CAMK2G: variants seen among roughly 807,000 people sequenced by gnomAD.
CAMK2G encodes calcium/calmodulin dependent protein kinase II gamma.
A neutral mutation model predicts 88.7 loss-of-function variants in CAMK2G; 23 were observed. The observed-to-expected ratio is 0.26, with a 90% CI of 0.19 to 0.37. CAMK2G has a LOEUF of 0.37. CAMK2G is among the 10% of genes least tolerant of loss of function. The probability of loss-of-function intolerance (pLI) is 1.00; values close to 1 mark genes in which losing one functional copy is unlikely to be tolerated. For synonymous variants in CAMK2G, 263 were observed against 294.8 expected (o/e 0.89, Z 1.11); for missense variants, 476 against 780.8 (o/e 0.61, Z 4.65).
intron 10 of CAMK2G, among the ~76,000 whole-genome samples, chr10:73,843,077 T>A (rs1376152782): frequency 1.6e-5 from 1 of 64,320 alleles, no homozygotes; most frequent in African/African-American, 8.2e-5. Context: ...TGGATGTAAT[T>A]TTTTTTTTTT....
chr10:73,870,409 ACCTAG>A (rs1458943008), intron 2 of CAMK2G, among the ~76,000 whole-genome samples: 1 of 152,110 alleles, frequency 6.6e-6, no homozygotes, highest in Non-Finnish European at 1.5e-5. Flanking sequence ...CCACCTTGCA[ACCTAG>A]CCGCCAATGT....
intron 2 of CAMK2G, among the ~76,000 whole-genome samples, chr10:73,871,490 C>A (rs972568977): frequency 3.9e-5 from 6 of 152,184 alleles, no homozygotes; most frequent in African/African-American, 1.4e-4. Flanking sequence ...CACCAGATGC[C>A]AGCCCTGTTT....
chr10:73,850,418 G>A (rs2094535298), intron 5 of CAMK2G, among the ~76,000 whole-genome samples: 1 of 152,052 alleles, frequency 6.6e-6, no homozygotes, highest in African/African-American at 2.4e-5. Context: ...TGAATTTGCC[G>A]CCCGCCCCCC....
At chr10:73,834,091 TG>T (rs2092905919) in intron 14 of CAMK2G, among the ~76,000 whole-genome samples, 1 of 151,446 alleles carries the variant, frequency 6.6e-6, no homozygotes, top group South Asian at 2.1e-4. Flanking sequence ...GCTAATTTTT[TG>T]TATTTTCAGT....
chr10:73,826,586 C>G (rs547236161), intron 15 of CAMK2G, among the ~76,000 whole-genome samples: 2 of 152,328 alleles, frequency 1.3e-5, no homozygotes, highest in East Asian at 3.9e-4. Context: ...GTTCCCTAAC[C>G]AGCGTACTCC....
At position 73,852,312 on chromosome 10, in the gene CAMK2G, C is replaced by T. The variant is rs751432353; in HGVS notation, c.283G>A (p.Gly95Ser). 3.7e-6 allele frequency: 6 copies of T among 1,613,978 alleles called. No individual in the cohort carries two copies. Among genetic ancestry groups the T allele is most frequent in the Non-Finnish European group, 5.1e-6 (6 of 1,179,868 alleles). Residue 95 changes from glycine to serine, a missense_variant, in exon 5 of 23, where the codon GGC becomes AGC. Around this residue, in one of 3 missense-constraint regions of CAMK2G, gnomAD observed 164 missense variants for 385.6 expected, o/e 0.43. Coordinates refer to ENST00000423381, the MANE Select transcript of CAMK2G (RefSeq NM_001367534.1). The part of the protein sequence containing the change: ...FHYLVFDLVT[G>S]GELFEDIVAR... ...ACAATGTCTTCAAACAGCTCCCCGC[C>T]GGTAACACTGCAACCAACGGGAAGA...
intron 15 of CAMK2G, 99 bp downstream of exon 15, chr10:73,827,983 CAGTGAGG>C: frequency 1.1e-6 from 1 of 912,456 alleles, no homozygotes; most frequent in Non-Finnish European, 1.8e-6. Flanking sequence ...CACAGACATG[CAGTGAGG>C]ATGAGTGAGG....
chr10:73,850,435 G>A lies in CAMK2G; in HGVS notation c.342-1102C>T, dbSNP rs189108762. On this transcript the variant is annotated intron_variant, in intron 5 of 22. Coordinates refer to ENST00000423381, the MANE Select transcript of CAMK2G (RefSeq NM_001367534.1). ...AATTTGCCGCCCGCCCCCCCCCACC[G>A]CAGGGGACATTTGGCAATGCCTAGA... 3.0e-3 allele frequency among the ~76,000 whole-genome samples: 457 copies of A among 151,676 alleles called. 11 individuals are homozygous for A. The highest frequency in any genetic ancestry group is 0.022 in the East Asian group (111 of 5,152).
At chr10:73,815,728 C>A in intron 21 of CAMK2G, 1 of 849,436 alleles carries the variant, frequency 1.2e-6, no homozygotes, top group Non-Finnish European at 1.4e-6. Context: ...AAATCATGAA[C>A]TTAAACCATT....
At chr10:73,829,321 G>C (rs2091929649) in intron 14 of CAMK2G, among the ~76,000 whole-genome samples, 1 of 142,650 alleles carries the variant, frequency 7.0e-6, no homozygotes, top group African/African-American at 2.6e-5. Flanking sequence ...TTTTTAGGGA[G>C]TCTCACTCTG....
At chr10:73,836,170 T>C (rs969607321) in intron 14 of CAMK2G, among the ~76,000 whole-genome samples, 4 of 152,162 alleles carry the variant, frequency 2.6e-5, no homozygotes, top group African/African-American at 7.2e-5. Flanking sequence ...TAGCAGAAAG[T>C]AAAACTGCAA....
In CAMK2G at chr10:73,822,275, C is replaced by A. The variant is rs1187679484; in HGVS notation, c.1201-545G>T. Among the ~76,000 whole-genome samples the A allele has an allele frequency of 2.6e-5, 4 of 152,314 alleles. No homozygotes were observed. The East Asian group carries it at 7.7e-4, about 29-fold the overall frequency. On this transcript the variant is annotated intron_variant, in intron 17 of 22. Transcript: ENST00000423381. Reference sequence around the variant, plus strand: ...CTCTGCCTCCCGGGTTCAAGTGATTCTCCTGTCTCAGCCTCCTGAGTAGCT... The same window carrying A: ...CTCTGCCTCCCGGGTTCAAGTGATTATCCTGTCTCAGCCTCCTGAGTAGCT...
rs989475499 is a variant in CAMK2G at position 73,813,538 on chromosome 10, G to A, written c.*980C>T. 1 of 152,740 alleles carries A rather than the reference G, an allele frequency of 6.5e-6. No individual in the cohort carries two copies. The highest frequency in any genetic ancestry group is 1.5e-5 in the Non-Finnish European group (1 of 68,172). The allele number at this position is 152,740 out of a possible 1,614,324, so 9.5% of individuals were successfully genotyped here. On this transcript the variant is annotated 3_prime_UTR_variant, in exon 23 of 23. Transcript: ENST00000423381. Reference sequence around the variant, plus strand: ...AGGGCCCAGGCCCAGATGAGGGTCAGCATGGGGACCACTACCGTGAAAAGG... The same window carrying A: ...AGGGCCCAGGCCCAGATGAGGGTCAACATGGGGACCACTACCGTGAAAAGG...
At chr10:73,835,641 G>A (rs1412199010) in intron 14 of CAMK2G, among the ~76,000 whole-genome samples, 2 of 151,850 alleles carry the variant, frequency 1.3e-5, no homozygotes, top group African/African-American at 4.8e-5. Context: ...CTGCTCAATG[G>A]CCTATGGTAT....
At chr10:73,840,475 T>C (rs2093686444) in intron 12 of CAMK2G, among the ~76,000 whole-genome samples, 1 of 152,144 alleles carries the variant, frequency 6.6e-6, no homozygotes, top group African/African-American at 2.4e-5. Context: ...TCCTCACCTG[T>C]CCCAGAGTCA....
intron 10 of CAMK2G, among the ~76,000 whole-genome samples, chr10:73,846,059 A>G (rs769512907): frequency 5.6e-4 from 86 of 152,220 alleles, no homozygotes; most frequent in South Asian, 1.2e-3. Flanking sequence ...CTGAGACTAC[A>G]GGCACATGCC....
chr10:73,834,303 C>A (rs891598022), intron 14 of CAMK2G, among the ~76,000 whole-genome samples: 2 of 152,178 alleles, frequency 1.3e-5, no homozygotes, highest in African/African-American at 2.4e-5. Flanking sequence ...GCTGCGAATA[C>A]GCGGTTGGCC....
At chr10:73,862,490 T>C (rs1411679768) in intron 2 of CAMK2G, among the ~76,000 whole-genome samples, 1 of 152,196 alleles carries the variant, frequency 6.6e-6, no homozygotes, top group Non-Finnish European at 1.5e-5. Context: ...AATCGCTTAC[T>C]ATGCACTGAC....
chr10:73,840,896 G>A (rs983479721), intron 12 of CAMK2G, among the ~76,000 whole-genome samples: 1 of 152,246 alleles, frequency 6.6e-6, no homozygotes, highest in African/African-American at 2.4e-5. Flanking sequence ...AAGCAAGTGT[G>A]GGACTACAGT....
Sources: gnomAD v4.1 joint callset for allele counts (sites outside exome capture counted in the v4.1 genomes callset) on GRCh38, gnomAD v4.1.1 for gene constraint, gnomAD v4.1.1 regional missense constraint, MANE v1.5 for transcripts, NCBI Gene and HGNC (gene_info 2026-07-23, HGNC 2026-07-21) for gene names.